The following SLC26A5 variants were observed in gnomAD, a reference collection of about 807,000 sequenced individuals.
SLC26A5 encodes solute carrier family 26 member 5.
SLC26A5 carries 51 observed loss-of-function variants against 81.0 expected under a neutral mutation model. The ratio of observed to expected loss-of-function variants is 0.63; its 90% CI spans 0.50 to 0.80. The LOEUF is 0.80. Among genes scored for constraint, SLC26A5 ranks in the 30% least tolerant of loss-of-function variants. SLC26A5 has a pLI of 0.00. For synonymous variants in SLC26A5, 325 were observed against 332.8 expected (o/e 0.98, Z 0.25); for missense variants, 771 against 905.8 (o/e 0.85, Z 1.91).
intron 19 of SLC26A5, among the ~76,000 whole-genome samples, chr7:103,360,187 A>G (rs1586158292): frequency 6.6e-6 from 1 of 152,184 alleles, no homozygotes; most frequent in Non-Finnish European, 1.5e-5. Context: ...AATGTCATAC[A>G]TAAGGGAAAA....
At chr7:103,392,886 A>G (rs768940176) in intron 10 of SLC26A5, 33 bp downstream of exon 10, 21 of 1,613,554 alleles carry the variant, frequency 1.3e-5, no homozygotes, top group Non-Finnish European at 1.5e-5. Flanking sequence ...TTGTACTGCT[A>G]TGAAACATGT....
At chr7:103,444,738 C>G (rs555530943) in intron 1 of SLC26A5, among the ~76,000 whole-genome samples, 1 of 152,282 alleles carries the variant, frequency 6.6e-6, no homozygotes, top group South Asian at 2.1e-4. Context: ...ACCTAATAGA[C>G]TAGAAAGCTT....
rs1824184816 is a variant in SLC26A5, at chr7:103,407,937, C to T, written c.802G>A (p.Val268Ile). 1 of 1,614,082 alleles carries T rather than the reference C, an allele frequency of 6.2e-7. No individual in the cohort carries two copies. Among genetic ancestry groups the T allele is most frequent in the Non-Finnish European group, 8.5e-7 (1 of 1,180,040 alleles). ...NVCSLGVGLM[V>I]FGLLLGGKEF... is the part of the protein sequence containing the mutation. ...TTGCCACCCAACAGCAAACCAAAAA[C>T]CATCAGCCCGACGCCTAGGGAACAC... The change falls in exon 8 of 20, where the codon GTT becomes ATT. Residue 268 changes from valine (V) to isoleucine (I), a missense_variant. Transcript: ENST00000306312.
intron 7 of SLC26A5, among the ~76,000 whole-genome samples, chr7:103,409,483 G>T (rs1041467465): frequency 1.3e-5 from 2 of 152,030 alleles, no homozygotes; most frequent in African/African-American, 2.4e-5. Flanking sequence ...TTTAGTTTTT[G>T]ATTTTTTTAT....
chr7:103,405,200 A>G (rs1045731160), intron 8 of SLC26A5, among the ~76,000 whole-genome samples: 16 of 152,108 alleles, frequency 1.1e-4, no homozygotes, highest in African/African-American at 3.4e-4. Flanking sequence ...CGTCAAACTC[A>G]TTCTCCATCC....
chr7:103,416,866 A>G (rs1824951963), intron 4 of SLC26A5, among the ~76,000 whole-genome samples: 2 of 152,222 alleles, frequency 1.3e-5, no homozygotes. Context: ...TGCTTAACAC[A>G]AAATCTTTTT....
intron 8 of SLC26A5, among the ~76,000 whole-genome samples, chr7:103,399,959 C>A (rs1032213498): frequency 1.3e-5 from 2 of 152,100 alleles, no homozygotes; most frequent in Admixed American, 1.3e-4. Context: ...TTTTCTTTAT[C>A]CAGTCTATCA....
At chr7:103,371,455 G>A (rs2116304685), downstream of SLC26A5, among the ~76,000 whole-genome samples, 1 of 150,520 alleles carries the variant, frequency 6.6e-6, no homozygotes, top group Non-Finnish European at 1.5e-5. Flanking sequence ...CTCCCGAGTA[G>A]CTGGGACTAC....
rs769831580 is a variant in SLC26A5, at chr7:103,366,056, T to G, written c.2041+10752A>C. On this transcript the variant is annotated intron_variant, in intron 19 of 19. Transcript: ENST00000339444. ...TATTTTGAAACCAATTTTGAATTAATAAATCATTTTTCTCATTAGGGGGCT... is the reference window on the plus strand; with the variant it reads ...TATTTTGAAACCAATTTTGAATTAAGAAATCATTTTTCTCATTAGGGGGCT... 5 of 1,581,940 alleles carry G rather than the reference T, an allele frequency of 3.2e-6. No individual in the cohort carries two copies. In the Admixed American group the frequency reaches 9.2e-5, roughly 29 times the overall value.
chr7:103,376,783 C>A (rs1821382625), intron 19 of SLC26A5, 25 bp downstream of exon 19: 1 of 1,524,574 alleles, frequency 6.6e-7, no homozygotes, highest in African/African-American at 1.4e-5. Flanking sequence ...TATTAAGCTT[C>A]ACCCCATCTT....
chr7:103,395,612 CT>C (rs1823048884), intron 9 of SLC26A5, among the ~76,000 whole-genome samples: 1 of 149,344 alleles, frequency 6.7e-6, no homozygotes, highest in Non-Finnish European at 1.5e-5. Flanking sequence ...CAACCTCCGC[CT>C]TCTGGTTTCA....
chr7:103,383,484 G>T (rs773996853), intron 14 of SLC26A5, among the ~76,000 whole-genome samples: 9 of 152,020 alleles, frequency 5.9e-5, no homozygotes, highest in Non-Finnish European at 1.2e-4. Context: ...AAATACTATT[G>T]CTCCCAGTGA....
chr7:103,393,459 T>A (rs1822837968), intron 9 of SLC26A5, among the ~76,000 whole-genome samples: 1 of 151,214 alleles, frequency 6.6e-6, no homozygotes, highest in South Asian at 2.1e-4. Context: ...GGGAGGAGAG[T>A]AGTCTAAGGG....
At chr7:103,384,152 A>C (rs141070464) in intron 14 of SLC26A5, among the ~76,000 whole-genome samples, 2 of 152,120 alleles carry the variant, frequency 1.3e-5, no homozygotes, top group African/African-American at 4.8e-5. Flanking sequence ...AAATAAAAAA[A>C]ATTTTTTTTT....
chr7:103,427,851 CTTTTT>C (rs60928156), intron 2 of SLC26A5, among the ~76,000 whole-genome samples: 1 of 143,978 alleles, frequency 6.9e-6, no homozygotes, highest in African/African-American at 2.6e-5. Context: ...TCTAGAGATT[CTTTTT>C]TTTTTTTTTC....
At chr7:103,377,382 C>A (rs970189374) in intron 18 of SLC26A5, among the ~76,000 whole-genome samples, 2 of 152,006 alleles carry the variant, frequency 1.3e-5, no homozygotes, top group East Asian at 1.9e-4. Context: ...TAAAGGAAAC[C>A]AGATTGACCA....
intron 2 of SLC26A5, among the ~76,000 whole-genome samples, chr7:103,427,075 ATTT>A (rs757919944): frequency 7.0e-6 from 1 of 142,392 alleles, no homozygotes; most frequent in African/African-American, 2.6e-5. Context: ...TTCATCATAG[ATTT>A]TTTTTTTTTT....
chr7:103,388,798 G>A, intron 14 of SLC26A5: 2 of 508,090 alleles, frequency 3.9e-6, no homozygotes, highest in South Asian at 3.6e-5. Context: ...TTGTGACATA[G>A]AAGAGCATTT....
intron 14 of SLC26A5, among the ~76,000 whole-genome samples, chr7:103,383,498 C>T (rs1025439784): frequency 3.3e-5 from 5 of 152,106 alleles, no homozygotes; most frequent in Admixed American, 3.3e-4. Context: ...CCAGTGAAGG[C>T]CAAGTCCTTA....
Sources: allele counts gnomAD v4.1 joint callset (sites outside exome capture counted in the v4.1 genomes callset), GRCh38; gene constraint gnomAD v4.1.1; transcripts MANE v1.5; gene names NCBI Gene and HGNC (gene_info 2026-07-23, HGNC 2026-07-21).